BANP: variants seen among roughly 807,000 people sequenced by gnomAD.
BANP encodes BTG3 associated nuclear protein, also known as protein BANP.
In BANP, 11 loss-of-function variants were observed where a neutral mutation model predicts 68.1. The ratio of observed to expected loss-of-function variants is 0.16; its 90% CI spans 0.10 to 0.27. The LOEUF (loss-of-function observed/expected upper bound fraction) is 0.27, where lower values mean the gene tolerates loss of function less well. BANP is among the 10% of genes least tolerant of loss of function. The pLI is 1.00. For missense variants in BANP, 504 were observed against 722.7 expected, an observed-to-expected ratio of 0.70 and a Z score of 3.47; for synonymous variants, 329 against 303.2, an observed-to-expected ratio of 1.09 and a Z score of -0.88.
At position 88,018,746 on chromosome 16, in the gene BANP, G is replaced by A. The variant is rs2075166851; in HGVS notation, c.895+79G>A. On this transcript the variant is annotated intron_variant, in intron 7 of 13. Coordinates refer to ENST00000682872, the MANE Select transcript of BANP (RefSeq NM_001386991.1). The surrounding 1 kb of genome is among the most constrained non-coding windows in gnomAD (Gnocchi z 7.7). Reference sequence around the variant, plus strand: ...CCCACATTTCAATGCTGAGGACGCTGGCATCAGTAGCACCGGCACGGGGCT... The same window carrying A: ...CCCACATTTCAATGCTGAGGACGCTAGCATCAGTAGCACCGGCACGGGGCT... 1.4e-6 allele frequency: 2 copies of A among 1,477,272 alleles called. No homozygotes were observed. The highest frequency in any genetic ancestry group is 2.8e-5 in the African/African-American group (2 of 71,604). 91.5% of individuals were successfully genotyped at this position (1,477,272 alleles called of 1,614,324 possible). A position where few individuals can be genotyped will look rare whatever the true frequency, so the allele number is the denominator to read the frequency against.
At chr16:87,996,643 G>A (rs528222827) in intron 4 of BANP, among the ~76,000 whole-genome samples, 5 of 151,904 alleles carry the variant, frequency 3.3e-5, no homozygotes, top group Admixed American at 2.6e-4. Context: ...CTCGTCCTGG[G>A]CGCCAGCTGG....
rs147212049 is a variant in BANP at position 87,984,344 on chromosome 16, C to G, written c.362+85C>G. On this transcript the variant is annotated intron_variant, in intron 4 of 13. Transcript: ENST00000682872. ...CTCGCCCAGGCCCGCAGCTTAGTGGCTCAGTTTGCTGGAGATGCGCGGTGT... is the reference window on the plus strand; with the variant it reads ...CTCGCCCAGGCCCGCAGCTTAGTGGGTCAGTTTGCTGGAGATGCGCGGTGT... 3 of 1,326,432 alleles carry G rather than the reference C, an allele frequency of 2.3e-6. No individual in the cohort carries two copies. In the South Asian group the frequency reaches 4.2e-5, roughly 18 times the overall value. 82.2% of individuals were successfully genotyped at this position (1,326,432 alleles called of 1,614,324 possible). A position where few individuals can be genotyped will look rare whatever the true frequency, so the allele number is the denominator to read the frequency against.
intron 2 of BANP, chr16:87,978,345 C>T (rs200830920): frequency 4.0e-6 from 1 of 252,268 alleles, no homozygotes; most frequent in East Asian, 1.0e-4. Context: ...CTCTGTGACC[C>T]CAGAGAAGTC....
intron 6 of BANP, among the ~76,000 whole-genome samples, chr16:88,014,139 A>G (rs186474554): frequency 6.6e-5 from 10 of 152,252 alleles, no homozygotes; most frequent in Admixed American, 5.2e-4. Context: ...AAGGCCAGGA[A>G]GAAGTGTTGA....
At chr16:87,969,721 A>G (rs4843754) in intron 1 of BANP, among the ~76,000 whole-genome samples, 52,778 of 151,004 alleles carry the variant, frequency 0.35, 10,426 homozygotes, top group Non-Finnish European at 0.47. Context: ...TTTAGTAGAG[A>G]CGGGCTTTCA....
chr16:88,064,747 C>T lies in BANP; in HGVS notation c.1312-520C>T, dbSNP rs1054775473. Among the ~76,000 whole-genome samples the T allele has an allele frequency of 1.1e-4, 17 of 152,172 alleles. No homozygotes were observed. The highest frequency in any genetic ancestry group is 2.9e-4 in the African/African-American group (12 of 41,452). On this transcript the variant is annotated intron_variant, in intron 11 of 13. Transcript: ENST00000682872. The surrounding 1 kb of genome is among the most constrained non-coding windows in gnomAD (Gnocchi z 4.5). ...CAGATGGGAGCCTGGTGCCTTCATG[C>T]GGTTGGGGGTGCTGCCGCTCTTGCC...
chr16:87,986,877 A>G (rs2064569400), intron 4 of BANP, among the ~76,000 whole-genome samples: 1 of 152,186 alleles, frequency 6.6e-6, no homozygotes, highest in Non-Finnish European at 1.5e-5. Context: ...TGTATTGGCA[A>G]GGCAAAATCA....
chr16:87,969,247 TG>T (rs1461052487), intron 1 of BANP, among the ~76,000 whole-genome samples: 4 of 152,072 alleles, frequency 2.6e-5, no homozygotes, highest in African/African-American at 9.7e-5. Context: ...TTGTTGTTGT[TG>T]TTGTTGTTGT....
intron 11 of BANP, among the ~76,000 whole-genome samples, chr16:88,060,624 A>G (rs1246238055): frequency 6.6e-6 from 1 of 152,190 alleles, no homozygotes; most frequent in East Asian, 1.9e-4. Context: ...GGGTGCGTGG[A>G]GGCACGTGGA....
At chr16:87,989,940 G>A (rs2065500970) in intron 4 of BANP, among the ~76,000 whole-genome samples, 1 of 149,020 alleles carries the variant, frequency 6.7e-6, no homozygotes, top group South Asian at 2.1e-4. Context: ...CAGGACACAG[G>A]GCGGGCGACA....
chr16:88,008,851 T>C (rs1183301701), intron 6 of BANP, among the ~76,000 whole-genome samples: 1 of 152,196 alleles, frequency 6.6e-6, no homozygotes, highest in African/African-American at 2.4e-5. Context: ...TTTGACTTTA[T>C]TTTGAAGGAG....
At chr16:88,027,379 G>A (rs1303337403) in intron 7 of BANP, 104 bp from the exon 8 acceptor site, 2 of 1,283,498 alleles carry the variant, frequency 1.6e-6, no homozygotes, top group Non-Finnish European at 2.2e-6. Context: ...GGGCTGGGGT[G>A]CCTGGGTGAG....
chr16:88,030,696 G>A (rs2077992840), intron 8 of BANP, among the ~76,000 whole-genome samples: 1 of 152,222 alleles, frequency 6.6e-6, no homozygotes, highest in South Asian at 2.1e-4. Context: ...AACAGCGTGT[G>A]AAGCCGAGTG....
intron 7 of BANP, among the ~76,000 whole-genome samples, chr16:88,023,552 C>G (rs2076408555): frequency 6.6e-6 from 1 of 151,864 alleles, no homozygotes; most frequent in South Asian, 2.1e-4. Context: ...TGGTGCCTTC[C>G]CTTGCACATG....
At chr16:87,959,529 G>T (rs1232573230) in intron 1 of BANP, among the ~76,000 whole-genome samples, 1 of 152,238 alleles carries the variant, frequency 6.6e-6, no homozygotes, top group Non-Finnish European at 1.5e-5. Flanking sequence ...GACCAGGCTT[G>T]GTACTAGCAG....
chr16:88,063,390 G>A (rs1001936364), intron 11 of BANP, among the ~76,000 whole-genome samples: 16 of 152,180 alleles, frequency 1.1e-4, no homozygotes, highest in African/African-American at 1.9e-4. Flanking sequence ...CCGGCTCAGC[G>A]CCCTTGCTTA....
chr16:87,977,407 A>C (rs1303393510), intron 2 of BANP, among the ~76,000 whole-genome samples: 1 of 142,350 alleles, frequency 7.0e-6, no homozygotes, highest in Non-Finnish European at 1.6e-5. Context: ...CGACAGAGCG[A>C]GACTCCGTCT....
Position 88,002,454 on chromosome 16 carries a change from C to T in BANP, c.363-1841C>T, listed in dbSNP as rs541846448. On this transcript the variant is annotated intron_variant, in intron 4 of 13. Coordinates refer to ENST00000682872, the MANE Select transcript of BANP (RefSeq NM_001386991.1). This position sits in a 1 kb window ranked among gnomAD's most constrained non-coding sequence, Gnocchi z 4.6. ...CTGTGCCCTAGGTGGATGGTGCATC[C>T]AGTGTGTTCAGAGCAGAGGTTGTTT... 1.2e-4 allele frequency among the ~76,000 whole-genome samples: 19 copies of T among 152,168 alleles called. No individual in the cohort carries two copies. The highest frequency in any genetic ancestry group is 4.6e-4 in the African/African-American group (19 of 41,500).
intron 9 of BANP, 129 bp from the exon 10 acceptor site, chr16:88,035,194 C>G (rs955280251): frequency 1.4e-5 from 12 of 854,322 alleles, no homozygotes; most frequent in Non-Finnish European, 2.1e-5. Context: ...CTATATTGCA[C>G]TATTCAGGAT....
Sources: allele counts gnomAD v4.1 joint callset (sites outside exome capture counted in the v4.1 genomes callset), GRCh38; gene constraint gnomAD v4.1.1; non-coding constraint Gnocchi (gnomAD v3.1); transcripts MANE v1.5; gene names NCBI Gene and HGNC (gene_info 2026-07-23, HGNC 2026-07-21).